Variants in CDYL2 observed in about 807,000 individuals in gnomAD.
CDYL2 encodes chromodomain Y like 2, also known as chromodomain Y-like protein 2.
A neutral mutation model predicts 49.4 loss-of-function variants in CDYL2; 23 were observed. The ratio of observed to expected loss-of-function variants is 0.47; its 90% CI spans 0.34 to 0.66. CDYL2 has a LOEUF of 0.66. Ranked by LOEUF, CDYL2 falls within the 30% of genes least tolerant of loss-of-function variation. The probability of loss-of-function intolerance (pLI) is 0.01; values close to 1 mark genes in which losing one functional copy is unlikely to be tolerated. For synonymous variants in CDYL2, 360 were observed against 268.8 expected (o/e 1.34, Z -3.32); for missense variants, 678 against 656.4 (o/e 1.03, Z -0.36).
At chr16:80,733,671 A>G (rs1176965730) in intron 1 of CDYL2, among the ~76,000 whole-genome samples, 2 of 152,196 alleles carry the variant, frequency 1.3e-5, no homozygotes, top group Admixed American at 1.3e-4. Flanking sequence ...AGTTGTCACC[A>G]CAAAGGAAGC....
At chr16:80,751,019 T>TA (rs35866282) in intron 1 of CDYL2, among the ~76,000 whole-genome samples, 58,163 of 149,840 alleles carry the variant, frequency 0.39, 13,806 homozygotes, top group African/African-American at 0.68. Context: ...GATTCCATCT[T>TA]AAAAAAAAAA....
intron 1 of CDYL2, among the ~76,000 whole-genome samples, chr16:80,687,378 G>GTGGA (rs1910238698): frequency 6.6e-6 from 1 of 152,138 alleles, no homozygotes. Flanking sequence ...GCGTGGGTGG[G>GTGGA]TGGATGGATG....
At chr16:80,660,496 G>T (rs1347063540) in intron 2 of CDYL2, among the ~76,000 whole-genome samples, 1 of 151,950 alleles carries the variant, frequency 6.6e-6, no homozygotes, top group African/African-American at 2.4e-5. Flanking sequence ...CCAAGGAGAA[G>T]GAATGTATAA....
intron 1 of CDYL2, among the ~76,000 whole-genome samples, chr16:80,779,899 A>T (rs1907207600): frequency 6.6e-6 from 1 of 152,180 alleles, no homozygotes; most frequent in East Asian, 1.9e-4. Flanking sequence ...TATATTTTTT[A>T]AATTTTTGAT....
rs1324199014 is a variant in CDYL2 at position 80,598,171 on chromosome 16, G to A, written c.*6217C>T. ...AGCTGTACCTTCTTTATAATTCTATGAAGTACTCAGACTTACAAATATTCA... is the reference window on the plus strand; with the variant it reads ...AGCTGTACCTTCTTTATAATTCTATAAAGTACTCAGACTTACAAATATTCA... On this transcript the variant is annotated 3_prime_UTR_variant, in exon 7 of 7. Coordinates refer to ENST00000570137, the MANE Select transcript of CDYL2 (RefSeq NM_152342.4). 6.6e-6 allele frequency: 1 copy of A among 151,914 alleles called. No individual in the cohort carries two copies. The highest frequency in any genetic ancestry group is 1.5e-5 in the Non-Finnish European group (1 of 68,008). 9.4% of individuals were successfully genotyped at this position (151,914 alleles called of 1,614,324 possible). A position where few individuals can be genotyped will look rare whatever the true frequency, so the allele number is the denominator to read the frequency against.
chr16:80,603,086 C>G lies in CDYL2; in HGVS notation c.*1302G>C, dbSNP rs1906166724. 6.6e-6 allele frequency: 1 copy of G among 152,154 alleles called. No individual in the cohort carries two copies. 9.4% of individuals were successfully genotyped at this position (152,154 alleles called of 1,614,324 possible). A position where few individuals can be genotyped will look rare whatever the true frequency, so the allele number is the denominator to read the frequency against. ...ATTGCTCCCTATGTACATAAAAAAA[C>G]TAGAAAACAGATGAGTCATTTCAGC... On this transcript the variant is annotated 3_prime_UTR_variant, in exon 7 of 7. Coordinates refer to ENST00000570137, the MANE Select transcript of CDYL2 (RefSeq NM_152342.4).
chr16:80,684,246 G>T (rs1387279781), intron 2 of CDYL2, among the ~76,000 whole-genome samples: 5 of 152,172 alleles, frequency 3.3e-5, no homozygotes, highest in African/African-American at 1.2e-4. Context: ...GGGTCTAGAG[G>T]GGTTACCATG....
chr16:80,642,993 A>G, intron 2 of CDYL2, among the ~76,000 whole-genome samples: 1 of 152,182 alleles, frequency 6.6e-6, no homozygotes, highest in East Asian at 1.9e-4. Context: ...AACTCATTTC[A>G]GCATTAACCC....
Position 80,798,189 on chromosome 16 carries a change from T to A in CDYL2, c.24+5961A>T, listed in dbSNP as rs147910387. ...CTGAGTAGCTGGAACTACAAACACA[T>A]ACCATCATGCCCAATAATTTTCTGT... On this transcript the variant is annotated intron_variant, in intron 1 of 6. Coordinates refer to ENST00000570137, the MANE Select transcript of CDYL2 (RefSeq NM_152342.4). Among the ~76,000 whole-genome samples the A allele has an allele frequency of 7.3e-3, 1,111 of 152,206 alleles. 14 individuals carry two copies. Among genetic ancestry groups the A allele is most frequent in the African/African-American group, 0.026 (1,065 of 41,540 alleles).
At chr16:80,641,761 G>A (rs56282932) in intron 2 of CDYL2, among the ~76,000 whole-genome samples, 3 of 104,360 alleles carry the variant, frequency 2.9e-5, no homozygotes, top group East Asian at 7.1e-4. Context: ...GTGGGGGGAG[G>A]GGGGAGGGAT....
chr16:80,759,116 A>ATATATATATATATATATATATGGTT (rs1567597460), intron 1 of CDYL2, among the ~76,000 whole-genome samples: 18 of 119,942 alleles, frequency 1.5e-4, no homozygotes, highest in Non-Finnish European at 2.2e-4. Flanking sequence ...ATATATATAT[A>ATATATATATATATATATATATGGTT]TATATATATA....
chr16:80,749,147 G>A (rs1312851130), intron 1 of CDYL2, among the ~76,000 whole-genome samples: 1 of 152,072 alleles, frequency 6.6e-6, no homozygotes, highest in African/African-American at 2.4e-5. Flanking sequence ...TGTTGTGTGT[G>A]TGTTTTATTA....
chr16:80,755,095 C>T (rs1597117093), intron 1 of CDYL2, among the ~76,000 whole-genome samples: 1 of 152,164 alleles, frequency 6.6e-6, no homozygotes, highest in East Asian at 1.9e-4. Context: ...GCCCTCACCT[C>T]CCCTCTCACA....
intron 3 of CDYL2, among the ~76,000 whole-genome samples, chr16:80,625,806 T>A (rs1404194182): frequency 6.6e-6 from 1 of 152,140 alleles, no homozygotes; most frequent in African/African-American, 2.4e-5. Context: ...AATACAATTG[T>A]CAAGGTGCTG....
chr16:80,690,020 C>T (rs994022017), intron 1 of CDYL2, among the ~76,000 whole-genome samples: 1 of 151,822 alleles, frequency 6.6e-6, no homozygotes, highest in Non-Finnish European at 1.5e-5. Flanking sequence ...ACTCCAGAGG[C>T]TGAGACAGGA....
Position 80,677,745 on chromosome 16 carries a change from A to T in CDYL2, c.616+6793T>A, listed in dbSNP as rs576908391. 4.9e-3 allele frequency among the ~76,000 whole-genome samples: 709 copies of T among 144,674 alleles called. 4 individuals carry two copies. The highest frequency in any genetic ancestry group is 0.016 in the African/African-American group (645 of 40,214). 94.9% of individuals were successfully genotyped at this position (144,674 alleles called of 152,430 possible). A position where few individuals can be genotyped will look rare whatever the true frequency, so the allele number is the denominator to read the frequency against. On this transcript the variant is annotated intron_variant, in intron 2 of 6. Coordinates refer to ENST00000570137, the MANE Select transcript of CDYL2 (RefSeq NM_152342.4). ...CAGAGCGAGACTCCATCTCAAAAAAATAAAAATAAAAATAAAAATAAATAA... is the reference window on the plus strand; with the variant it reads ...CAGAGCGAGACTCCATCTCAAAAAATTAAAAATAAAAATAAAAATAAATAA...
intron 1 of CDYL2, among the ~76,000 whole-genome samples, chr16:80,693,571 G>A (rs1910502057): frequency 6.6e-6 from 1 of 152,098 alleles, no homozygotes; most frequent in African/African-American, 2.4e-5. Context: ...ACAAACTGAA[G>A]TTCATCCGTA....
At chr16:80,782,532 A>G (rs1030366630) in intron 1 of CDYL2, among the ~76,000 whole-genome samples, 8 of 141,538 alleles carry the variant, frequency 5.7e-5, no homozygotes, top group South Asian at 2.1e-4. Context: ...CATAAGGAGA[A>G]AAAAAAAAAA....
At chr16:80,644,434 T>C (rs1286643298) in intron 2 of CDYL2, among the ~76,000 whole-genome samples, 2 of 152,210 alleles carry the variant, frequency 1.3e-5, no homozygotes, top group African/African-American at 2.4e-5. Context: ...TTCCACATTT[T>C]TGGGTACCTT....
Sources: allele counts gnomAD v4.1 joint callset (sites outside exome capture counted in the v4.1 genomes callset), GRCh38; gene constraint gnomAD v4.1.1; transcripts MANE v1.5; gene names NCBI Gene and HGNC (gene_info 2026-07-23, HGNC 2026-07-21).